TMPRSS4: variants seen among roughly 807,000 people sequenced by gnomAD.
The protein encoded by TMPRSS4 is transmembrane serine protease 4.
In TMPRSS4, 45 loss-of-function variants were observed where a neutral mutation model predicts 56.4. The observed-to-expected ratio is 0.80, with a 90% confidence interval of 0.63 to 1.02. The LOEUF (loss-of-function observed/expected upper bound fraction) is 1.02. TMPRSS4 is among the 50% of genes least tolerant of loss of function. TMPRSS4 has a pLI of 0.00. For missense variants in TMPRSS4, 546 were observed against 556.7 expected (o/e 0.98, Z 0.19); for synonymous variants, 205 against 211.0 (o/e 0.97, Z 0.25).
chr11:118,104,670 C>G, intron 4 of TMPRSS4, 21 bp from the exon 5 acceptor site: 1 of 1,614,122 alleles, frequency 6.2e-7, no homozygotes, highest in Non-Finnish European at 8.5e-7. Flanking sequence ...TTCCATCTAA[C>G]TCAGGTTCCT....
intron 8 of TMPRSS4, among the ~76,000 whole-genome samples, chr11:118,112,119 G>C (rs1215110775): frequency 6.6e-6 from 1 of 152,032 alleles, no homozygotes; most frequent in South Asian, 2.1e-4. Context: ...GCCTCTTCCT[G>C]GTGGGACACC....
chr11:118,115,204 A>G lies in TMPRSS4; in HGVS notation c.1076A>G (p.Asp359Gly), dbSNP rs1334726096. The change falls in exon 11 of 13, where the codon GAC becomes GGC. Residue 359 changes from aspartate (D) to glycine (G), a missense_variant. Coordinates refer to ENST00000437212, the MANE Select transcript of TMPRSS4 (RefSeq NM_019894.4). Reference protein sequence around the residue: ...QVIDSTRCNADDAYQGEVTEK... With the variant: ...QVIDSTRCNAGDAYQGEVTEK... ...ATTGACAGCACACGGTGCAATGCAG[A>G]CGATGCGTACCAGGGGGAAGTCACC... 1 of 1,612,890 alleles carries G rather than the reference A, an allele frequency of 6.2e-7. No individual in the cohort carries two copies. The highest frequency in any genetic ancestry group is 1.3e-5 in the African/African-American group (1 of 74,910).
At chr11:118,077,793 C>T (rs1434595019) in intron 1 of TMPRSS4, among the ~76,000 whole-genome samples, 2 of 152,072 alleles carry the variant, frequency 1.3e-5, no homozygotes, top group Non-Finnish European at 2.9e-5. Flanking sequence ...AGACAGATCT[C>T]TCGAGGTCAG....
intron 1 of TMPRSS4, among the ~76,000 whole-genome samples, chr11:118,094,318 T>C (rs971860069): frequency 2.6e-5 from 4 of 152,264 alleles, no homozygotes; most frequent in Admixed American, 2.0e-4. Flanking sequence ...TATTAGTCTT[T>C]TAAATTTTAG....
In TMPRSS4 at chr11:118,103,213, G is replaced by C. The variant is rs144601347; in HGVS notation, c.270G>C (p.Glu90Asp). Residue 90 changes from glutamate (E) to aspartate (D), a missense_variant, in exon 4 of 13, where the codon GAG (glutamate) becomes GAC (aspartate). Glu to Asp is a conservative substitution (Grantham distance 45, BLOSUM62 2). Transcript: ENST00000437212. ...ELDCPLGEDE[E>D]HCVKSFPEGP... ...ACTGTCCCTTGGGGGAGGACGAGGA[G>C]CACTGTGTCAAGAGCTTCCCCGAAG... The C allele has an allele frequency of 2.6e-4, 415 of 1,614,092 alleles. No homozygotes were observed. The highest frequency in any genetic ancestry group is 3.4e-4 in the Non-Finnish European group (401 of 1,180,048).
At chr11:118,083,916 T>C (rs1945342519) in intron 1 of TMPRSS4, among the ~76,000 whole-genome samples, 2 of 152,010 alleles carry the variant, frequency 1.3e-5, no homozygotes, top group Admixed American at 1.3e-4. Flanking sequence ...CAGACGCCTG[T>C]AATCCCAGCT....
rs145554958 is a variant in TMPRSS4 at position 118,099,085 on chromosome 11, T to C, written c.144T>C (p.Ile48=). Residue 48 remains isoleucine, a synonymous_variant, in exon 3 of 13, where the codon ATT becomes ATC. Coordinates refer to ENST00000437212, the MANE Select transcript of TMPRSS4 (RefSeq NM_019894.4). ...TACTGAGCCTGGCGAGTATCATCAT[T>C]GTGGTTGTCCTCAGTAAGTGACAGC... ...IALLSLASII[I]VVVLIKVILD... 2 of 1,613,748 alleles carry C rather than the reference T, an allele frequency of 1.2e-6. No homozygotes were observed. The highest frequency in any genetic ancestry group is 1.7e-6 in the Non-Finnish European group (2 of 1,179,882).
At chr11:118,122,562 G>C (rs1565446917), downstream of TMPRSS4, among the ~76,000 whole-genome samples, 1 of 152,190 alleles carries the variant, frequency 6.6e-6, no homozygotes. Context: ...ACTGGAGTTG[G>C]CAATCACACC....
At chr11:118,098,305 C>A (rs1213910423) in intron 2 of TMPRSS4, among the ~76,000 whole-genome samples, 1 of 152,234 alleles carries the variant, frequency 6.6e-6, no homozygotes, top group Non-Finnish European at 1.5e-5. Context: ...CCAGTGCCTC[C>A]CTCCCAAACT....
chr11:118,125,042 C>T, downstream of TMPRSS4, among the ~76,000 whole-genome samples: 1 of 152,200 alleles, frequency 6.6e-6, no homozygotes, highest in East Asian at 1.9e-4. Flanking sequence ...ACTGGTCTTC[C>T]CCTGCCCTGG....
Position 118,113,261 on chromosome 11 carries a change from AC to A in TMPRSS4, c.744-3del. ...ATCAGGCCTGAACCCAGCTGTCTCT[AC>A]CCCCAGGAAACATACCGATGTGTTC... is the stretch of plus-strand genomic sequence containing the variant. On this transcript the variant is annotated splice_polypyrimidine_tract_variant and splice_region_variant and intron_variant, in intron 8 of 12. Transcript: ENST00000437212. 6.2e-7 allele frequency: 1 copy of A among 1,612,868 alleles called. No individual in the cohort carries two copies. The highest frequency in any genetic ancestry group is 8.5e-7 in the Non-Finnish European group (1 of 1,179,348).
chr11:118,081,473 G>T (rs1256205607), intron 1 of TMPRSS4, among the ~76,000 whole-genome samples: 1 of 152,234 alleles, frequency 6.6e-6, no homozygotes. Flanking sequence ...GTCCTCCCCT[G>T]CCCGTGGCCC....
At chr11:118,109,117 C>T (rs1947149266) in intron 7 of TMPRSS4, among the ~76,000 whole-genome samples, 1 of 152,148 alleles carries the variant, frequency 6.6e-6, no homozygotes, top group Non-Finnish European at 1.5e-5. Context: ...CCCCTTCTAC[C>T]ATCTGTGCAT....
chr11:118,094,827 T>C lies in TMPRSS4; in HGVS notation c.15T>C (p.Pro5=), dbSNP rs1946196837. The C allele has an allele frequency of 6.2e-7, 1 of 1,612,218 alleles. No individual in the cohort carries two copies. The highest frequency in any genetic ancestry group is 1.3e-5 in the African/African-American group (1 of 75,030). The change falls in exon 2 of 13, where the codon CCT becomes CCC. Residue 5 remains proline, a synonymous_variant. Coordinates refer to ENST00000437212, the MANE Select transcript of TMPRSS4 (RefSeq NM_019894.4). Reference sequence around the variant, plus strand: ...TGTTTTTCCTTCAATTACAGGATCCTGACAGTGATCAACCTCTGAACAGCC... The same window carrying C: ...TGTTTTTCCTTCAATTACAGGATCCCGACAGTGATCAACCTCTGAACAGCC... MLQD[P]DSDQPLNSLD... is the part of the protein sequence containing the mutation.
At chr11:118,097,109 C>CA (rs1285351108) in intron 2 of TMPRSS4, among the ~76,000 whole-genome samples, 3 of 143,590 alleles carry the variant, frequency 2.1e-5, no homozygotes, top group East Asian at 4.1e-4. Context: ...GAGCCAAGAA[C>CA]AATTCATCTG....
At chr11:118,095,299 T>C (rs1204853415) in intron 2 of TMPRSS4, 1 of 166,682 alleles carries the variant, frequency 6.0e-6, no homozygotes, top group Non-Finnish European at 1.3e-5. Flanking sequence ...AAAACTAAGT[T>C]AATAAATAGA....
Position 118,114,986 on chromosome 11 carries a change from C to T in TMPRSS4, c.1009+59C>T, listed in dbSNP as rs895274848. ...ATGCCCTTGTATGAGGGAGCAGCTTCCAGAAGTAATGGGAAGGAGGACCAC... is the reference window on the plus strand; with the variant it reads ...ATGCCCTTGTATGAGGGAGCAGCTTTCAGAAGTAATGGGAAGGAGGACCAC... On this transcript the variant is annotated intron_variant, in intron 10 of 12. Transcript: ENST00000437212. 5.8e-6 allele frequency: 9 copies of T among 1,555,710 alleles called. No homozygotes were observed. In the African/African-American group the frequency reaches 1.2e-4, roughly 21 times the overall value.
intron 3 of TMPRSS4, among the ~76,000 whole-genome samples, chr11:118,102,583 C>T (rs1946768365): frequency 6.6e-6 from 1 of 152,152 alleles, no homozygotes; most frequent in Non-Finnish European, 1.5e-5. Context: ...GTGGCATGTG[C>T]CTGTAATCCC....
At chr11:118,101,357 G>A (rs1946717351) in intron 3 of TMPRSS4, among the ~76,000 whole-genome samples, 1 of 152,158 alleles carries the variant, frequency 6.6e-6, no homozygotes, top group Admixed American at 6.5e-5. Context: ...AGCCCAGGGT[G>A]ATACTGGACT....
Sources: allele counts gnomAD v4.1 joint callset (sites outside exome capture counted in the v4.1 genomes callset), GRCh38; gene constraint gnomAD v4.1.1; transcripts MANE v1.5; gene names NCBI Gene and HGNC (gene_info 2026-07-23, HGNC 2026-07-21).